URB2: variants seen among roughly 807,000 people sequenced by gnomAD.
The protein encoded by URB2 is unhealthy ribosome biogenesis protein 2 homolog.
Under a neutral mutation model 120.9 loss-of-function variants are expected in URB2, and 86 were observed. The observed-to-expected ratio is 0.71, with a 90% CI of 0.60 to 0.85. The LOEUF is 0.85. Ranked by LOEUF, URB2 falls within the 40% of genes least tolerant of loss-of-function variation. URB2 has a pLI of 0.00. For synonymous variants in URB2, 755 were observed against 758.4 expected, an observed-to-expected ratio of 1.00 and a Z score of 0.07; for missense variants, 1,765 against 1,836.5, an observed-to-expected ratio of 0.96 and a Z score of 0.71.
intron 3 of URB2, among the ~76,000 whole-genome samples, chr1:229,633,816 C>A (rs1665726912): frequency 2.0e-5 from 3 of 152,170 alleles, no homozygotes; most frequent in Non-Finnish European, 4.4e-5. Context: ...TAAGCAGTAG[C>A]AACATAACAT....
rs758663513 is a variant in URB2, at chr1:229,635,298, C to G, written c.685C>G (p.Leu229Val). The G allele has an allele frequency of 1.2e-6, 2 of 1,614,070 alleles. No homozygotes were observed. Among genetic ancestry groups the G allele is most frequent in the Non-Finnish European group, 1.7e-6 (2 of 1,180,016 alleles). The change falls in exon 4 of 10, where the codon CTG becomes GTG. Residue 229 changes from leucine to valine, a missense_variant. Physicochemically the swap from Leu to Val is conservative, Grantham distance 32. Transcript: ENST00000258243. ...TGGCCAGGGCCAGCTGAGGCAGGTGCTGAGCCGGGACATCAGGAGTCAGAT... is the reference window on the plus strand; with the variant it reads ...TGGCCAGGGCCAGCTGAGGCAGGTGGTGAGCCGGGACATCAGGAGTCAGAT... ...QAGQGQLRQV[L>V]SRDIRSQIEA... is the part of the protein sequence containing the mutation.
At chr1:229,651,152 A>G in intron 7 of URB2, 83 bp from the exon 8 acceptor site, 1 of 1,317,644 alleles carries the variant, frequency 7.6e-7, no homozygotes, top group Non-Finnish European at 1.0e-6. Flanking sequence ...AGGCTAAGAA[A>G]GAAATAAGTA....
At position 229,647,743 on chromosome 1, in the gene URB2, T is replaced by C. The variant is rs142342696; in HGVS notation, c.4140T>C (p.Cys1380=). 128 of 1,613,648 alleles carry C rather than the reference T, an allele frequency of 7.9e-5. No homozygotes were observed. Among genetic ancestry groups the C allele is most frequent in the Non-Finnish European group, 1.1e-4 (125 of 1,179,914 alleles). ...LHNVLFSILQ[C]HPKVMLKAIP... ...ACGTGCTCTTCTCAATCCTGCAGTG[T>C]CACCCTAAGGTGAGAAGGAGGGTGA... is the stretch of plus-strand genomic sequence containing the variant. Residue 1380 remains cysteine (C), a synonymous_variant, in exon 7 of 10, where the codon TGT becomes TGC. Coordinates refer to ENST00000258243, the MANE Select transcript of URB2 (RefSeq NM_014777.4).
chr1:229,644,025 C>T (rs1330977996), intron 5 of URB2, among the ~76,000 whole-genome samples: 2 of 152,272 alleles, frequency 1.3e-5, no homozygotes, highest in African/African-American at 4.8e-5. Flanking sequence ...TCACACCATA[C>T]TTCTTGAAAC....
intron 9 of URB2, among the ~76,000 whole-genome samples, chr1:229,656,892 G>A (rs76055835): frequency 0.011 from 1,669 of 152,312 alleles, 29 homozygotes; most frequent in African/African-American, 0.038. Context: ...GGACTTAGGA[G>A]GGGGCTGTGT....
intron 3 of URB2, among the ~76,000 whole-genome samples, chr1:229,633,739 C>A (rs1665725645): frequency 6.6e-6 from 1 of 152,176 alleles, no homozygotes; most frequent in African/African-American, 2.4e-5. Context: ...CTGCCTGATT[C>A]TCATAATTTC....
rs749450816 is a variant in URB2, at chr1:229,637,441, C to T, written c.2828C>T (p.Thr943Met). 18 of 1,614,046 alleles carry T rather than the reference C, an allele frequency of 1.1e-5. No homozygotes were observed. Among genetic ancestry groups the T allele is most frequent in the African/African-American group, 2.7e-5 (2 of 74,942 alleles). Residue 943 changes from threonine to methionine, a missense_variant, in exon 4 of 10, where the codon ACG (threonine) becomes ATG (methionine). Transcript: ENST00000258243. Reference sequence around the variant, plus strand: ...TCCTCACTGGCTCTCAAGTTCTTGACGACTTGCTACCAACTTCTTGGTTAC... The same window carrying T: ...TCCTCACTGGCTCTCAAGTTCTTGATGACTTGCTACCAACTTCTTGGTTAC... ...CSSSLALKFLTTCYQLLGYLQ... is the reference protein window; with the variant it reads ...CSSSLALKFLMTCYQLLGYLQ...
chr1:229,645,938 G>A lies in URB2; in HGVS notation c.3875G>A (p.Arg1292His), dbSNP rs747572919. 3.2e-5 allele frequency: 51 copies of A among 1,614,036 alleles called. No homozygotes were observed. The highest frequency in any genetic ancestry group is 2.7e-4 in the African/African-American group (20 of 74,910). The change falls in exon 6 of 10, where the codon CGT (arginine) becomes CAT (histidine). Residue 1292 changes from arginine to histidine, a missense_variant. Coordinates refer to ENST00000258243, the MANE Select transcript of URB2 (RefSeq NM_014777.4). ...LSGEKASLLW[R>H]ACPQIVTALT... The stretch of plus-strand genomic sequence containing the variant: ...GGAGAGAAAGCAAGTCTGTTGTGGC[G>A]TGCGTGTCCCCAGATAGTCACAGCT...
At chr1:229,642,520 C>T (rs961027760) in intron 4 of URB2, among the ~76,000 whole-genome samples, 4 of 152,136 alleles carry the variant, frequency 2.6e-5, no homozygotes, top group African/African-American at 4.8e-5. Context: ...GGGGCTGAAG[C>T]GCTGGCTGGA....
chr1:229,630,748 G>T (rs1665636628), intron 2 of URB2, among the ~76,000 whole-genome samples: 1 of 152,086 alleles, frequency 6.6e-6, no homozygotes, highest in Non-Finnish European at 1.5e-5. Context: ...AGCACTTTGG[G>T]AGGCCAACGC....
intron 3 of URB2, among the ~76,000 whole-genome samples, chr1:229,634,041 A>G (rs1402759814): frequency 6.6e-6 from 1 of 152,068 alleles, no homozygotes; most frequent in African/African-American, 2.4e-5. Flanking sequence ...CATGTTGACC[A>G]GGCTGTTCTC....
chr1:229,626,935 G>A (rs1665501437), intron 1 of URB2, among the ~76,000 whole-genome samples: 1 of 152,124 alleles, frequency 6.6e-6, no homozygotes, highest in South Asian at 2.1e-4. Flanking sequence ...ACGTCTTAAC[G>A]TTCCTTTTTA....
chr1:229,643,607 G>A lies in URB2; in HGVS notation c.3709G>A (p.Val1237Ile). 2 of 1,614,224 alleles carry A rather than the reference G, an allele frequency of 1.2e-6. No homozygotes were observed. The highest frequency in any genetic ancestry group is 1.7e-6 in the Non-Finnish European group (2 of 1,180,042). ...LGALFTQMLE[V>I]GTTEDLRLVM... is the part of the protein sequence containing the mutation. ...AGCCTTGTTCACCCAAATGTTAGAG[G>A]TTGGGACGACAGAGGACTTGAGGCT... Residue 1237 changes from valine to isoleucine, a missense_variant, in exon 5 of 10, where the codon GTT becomes ATT. Val to Ile is a conservative substitution (Grantham distance 29, BLOSUM62 3). Transcript: ENST00000258243.
intron 5 of URB2, among the ~76,000 whole-genome samples, chr1:229,644,514 G>C (rs1666090266): frequency 6.6e-6 from 1 of 152,236 alleles, no homozygotes; most frequent in Non-Finnish European, 1.5e-5. Context: ...GAGGGGAAGG[G>C]AGGCGTGCAC....
Position 229,637,695 on chromosome 1 carries a change from G to T in URB2, c.3082G>T (p.Ala1028Ser), listed in dbSNP as rs749560704. The change falls in exon 4 of 10, where the codon GCA becomes TCA. Residue 1028 changes from alanine (A) to serine (S), a missense_variant. Transcript: ENST00000258243. ...GGTGCTCAATTTTAGAAAAATCACC[G>T]CATTCCTCTCTAGTTCCAAACCATA... is the stretch of plus-strand genomic sequence containing the variant. ...SLVLNFRKIT[A>S]FLSSSKPYTE... 1.7e-5 allele frequency: 28 copies of T among 1,614,096 alleles called. No individual in the cohort carries two copies. The highest frequency in any genetic ancestry group is 2.4e-5 in the Non-Finnish European group (28 of 1,180,048).
At position 229,659,404 on chromosome 1, in the gene URB2, G is replaced by C; in HGVS notation, c.*107G>C. The C allele has an allele frequency of 3.4e-6, 4 of 1,177,212 alleles. No individual in the cohort carries two copies. The highest frequency in any genetic ancestry group is 4.8e-6 in the Non-Finnish European group (4 of 836,194). The allele number at this position is 1,177,212 out of a possible 1,614,324, so 72.9% of individuals were successfully genotyped here. A position where few individuals can be genotyped will look rare whatever the true frequency, so the allele number is the denominator to read the frequency against. ...TTAAGATGTTCTAATTCGTAGTATT[G>C]GTATACATAGAAAATCCTTTGGGGT... On this transcript the variant is annotated 3_prime_UTR_variant, in exon 10 of 10. Coordinates refer to ENST00000258243, the MANE Select transcript of URB2 (RefSeq NM_014777.4).
rs1203868280 is a variant in URB2, at chr1:229,628,199, G to GTA, written c.126+448_126+449dup. ...TGTATATAATATATATAATATATAT[G>GTA]TATATATATTATACATATACATATT... is the stretch of plus-strand genomic sequence containing the variant. On this transcript the variant is annotated intron_variant, in intron 2 of 9. Transcript: ENST00000258243. 8.3e-4 allele frequency among the ~76,000 whole-genome samples: 117 copies of GTA among 140,962 alleles called. 2 individuals carry two copies. The highest frequency in any genetic ancestry group is 3.0e-3 in the African/African-American group (113 of 37,920). 92.5% of individuals were successfully genotyped at this position (140,962 alleles called of 152,430 possible).
intron 3 of URB2, among the ~76,000 whole-genome samples, 175 bp downstream of exon 3, chr1:229,632,620 T>G (rs1665700451): frequency 6.6e-6 from 1 of 152,242 alleles, no homozygotes; most frequent in Non-Finnish European, 1.5e-5. Flanking sequence ...TATCATATGC[T>G]CTAAGCATTT....
At chr1:229,631,972 G>A (rs1048791522) in intron 2 of URB2, among the ~76,000 whole-genome samples, 4 of 152,142 alleles carry the variant, frequency 2.6e-5, no homozygotes, top group Admixed American at 6.5e-5. Flanking sequence ...ATAAAATGAG[G>A]TATGCCTGTA....
Sources: allele counts gnomAD v4.1 joint callset (sites outside exome capture counted in the v4.1 genomes callset), GRCh38; gene constraint gnomAD v4.1.1; transcripts MANE v1.5; gene names NCBI Gene and HGNC (gene_info 2026-07-23, HGNC 2026-07-21).